Variants in RSBN1L observed in about 807,000 individuals in gnomAD.
The protein encoded by RSBN1L is round spermatid basic protein 1 like, also known as lysine-specific demethylase RSBN1L.
RSBN1L carries 30 observed loss-of-function variants against 67.7 expected under a neutral mutation model. The ratio of observed to expected loss-of-function variants is 0.44; its 90% CI spans 0.33 to 0.60. The LOEUF (loss-of-function observed/expected upper bound fraction) is 0.60, where lower values mean the gene tolerates loss of function less well. Among genes scored for constraint, RSBN1L ranks in the 20% least tolerant of loss-of-function variants. RSBN1L has a pLI of 0.02. For synonymous variants in RSBN1L, 433 were observed against 387.0 expected, an observed-to-expected ratio of 1.12 and a Z score of -1.39; for missense variants, 992 against 1,031.7, an observed-to-expected ratio of 0.96 and a Z score of 0.53.
At position 77,757,704 on chromosome 7, in the gene RSBN1L, A is replaced by G. The variant is rs188838606; in HGVS notation, c.1344+7640A>G. 4.6e-5 allele frequency among the ~76,000 whole-genome samples: 7 copies of G among 152,294 alleles called. No homozygotes were observed. The East Asian group carries it at 1.3e-3, about 29-fold the overall frequency. ...TGGCAGACCAGTTGGGTCTTGGGAC[A>G]CCTCACTTATATGGTTGGTGGTTGA... is the stretch of plus-strand genomic sequence containing the variant. On this transcript the variant is annotated intron_variant, in intron 3 of 7. Coordinates refer to ENST00000334955, the MANE Select transcript of RSBN1L (RefSeq NM_198467.3).
chr7:77,727,388 C>G (rs1331293860), intron 1 of RSBN1L, among the ~76,000 whole-genome samples: 1 of 152,172 alleles, frequency 6.6e-6, no homozygotes, highest in Non-Finnish European at 1.5e-5. Flanking sequence ...CGCCCAGCCC[C>G]CCATCTGCTT....
At chr7:77,705,142 A>T (rs749409921) in intron 1 of RSBN1L, among the ~76,000 whole-genome samples, 1 of 152,276 alleles carries the variant, frequency 6.6e-6, no homozygotes, top group East Asian at 1.9e-4. Flanking sequence ...TATTTTCCAG[A>T]TTAGCTCTTG....
At chr7:77,722,927 T>C (rs1169549226) in intron 1 of RSBN1L, among the ~76,000 whole-genome samples, 1 of 151,832 alleles carries the variant, frequency 6.6e-6, no homozygotes, top group Non-Finnish European at 1.5e-5. Flanking sequence ...ATATTGTGAC[T>C]GAAAGCTGTA....
At chr7:77,697,755 C>T (rs1790759686) in intron 1 of RSBN1L, among the ~76,000 whole-genome samples, 1 of 152,098 alleles carries the variant, frequency 6.6e-6, no homozygotes, top group Non-Finnish European at 1.5e-5. Flanking sequence ...GGAGCTTTGA[C>T]GATTTTTCGC....
chr7:77,723,543 A>G lies in RSBN1L; in HGVS notation c.587-12867A>G, dbSNP rs1402629018. 2.0e-5 allele frequency among the ~76,000 whole-genome samples: 3 copies of G among 152,198 alleles called. No individual in the cohort carries two copies. The East Asian group carries it at 5.8e-4, about 30-fold the overall frequency. ...GAGTGCAGTGGCATGATCACAGCTC[A>G]CTGCAGCCGTGACCTGCTGGGTTTA... On this transcript the variant is annotated intron_variant, in intron 1 of 7. Transcript: ENST00000334955.
At chr7:77,738,699 G>C (rs953526581) in intron 2 of RSBN1L, among the ~76,000 whole-genome samples, 3 of 152,162 alleles carry the variant, frequency 2.0e-5, no homozygotes, top group Non-Finnish European at 4.4e-5. Context: ...TGTAATCCCA[G>C]CATTTTGGGA....
At chr7:77,699,406 A>G (rs1044410553) in intron 1 of RSBN1L, among the ~76,000 whole-genome samples, 1 of 152,242 alleles carries the variant, frequency 6.6e-6, no homozygotes. Context: ...AAAAAGTCCT[A>G]AGTCAGAACT....
intron 1 of RSBN1L, among the ~76,000 whole-genome samples, chr7:77,707,857 A>G (rs577502969): frequency 7.9e-4 from 120 of 152,286 alleles, no homozygotes; most frequent in African/African-American, 2.9e-3. Context: ...CAATAATAAT[A>G]ATAGCTAAAA....
At chr7:77,746,605 GT>G (rs1356481980) in intron 2 of RSBN1L, among the ~76,000 whole-genome samples, 6 of 152,084 alleles carry the variant, frequency 3.9e-5, no homozygotes, top group African/African-American at 1.4e-4. Context: ...CTTGCCAACA[GT>G]CCCCCCAAAT....
rs541678160 is a variant in RSBN1L at position 77,709,565 on chromosome 7, C to T, written c.586+12510C>T. ...TTGGCCTCCCAAAGTGCTGGGATTA[C>T]AAGCGTGAGCCACCGTTCCCCACCA... On this transcript the variant is annotated intron_variant, in intron 1 of 7. Transcript: ENST00000334955. Among the ~76,000 whole-genome samples, 166 of 152,308 alleles carry T rather than the reference C, an allele frequency of 1.1e-3. 1 individual carries two copies. Among genetic ancestry groups the T allele is most frequent in the African/African-American group, 3.9e-3 (164 of 41,564 alleles).
At chr7:77,730,074 T>C (rs940734406) in intron 1 of RSBN1L, among the ~76,000 whole-genome samples, 2 of 152,238 alleles carry the variant, frequency 1.3e-5, no homozygotes, top group Admixed American at 1.3e-4. Context: ...TTTCCACATA[T>C]ATGATTTCTT....
intron 3 of RSBN1L, among the ~76,000 whole-genome samples, chr7:77,758,327 C>CCA (rs1400885423): frequency 1.9e-4 from 29 of 152,048 alleles, no homozygotes; most frequent in African/African-American, 6.8e-4. Flanking sequence ...AAGTGCTCGG[C>CCA]CTATTTAAAA....
intron 1 of RSBN1L, among the ~76,000 whole-genome samples, chr7:77,702,992 G>A (rs959003756): frequency 6.6e-6 from 1 of 152,168 alleles, no homozygotes; most frequent in African/African-American, 2.4e-5. Context: ...TTCAACATAT[G>A]GATTTTGGGG....
chr7:77,763,490 T>C (rs1201581649), intron 3 of RSBN1L, among the ~76,000 whole-genome samples: 1 of 152,234 alleles, frequency 6.6e-6, no homozygotes, highest in African/African-American at 2.4e-5. Context: ...TACCCTTAGC[T>C]TCTTTGATAG....
In RSBN1L at chr7:77,768,800, A is replaced by C; in HGVS notation, c.1622A>C (p.Lys541Thr). 6.2e-7 allele frequency: 1 copy of C among 1,614,024 alleles called. No individual in the cohort carries two copies. Among genetic ancestry groups the C allele is most frequent in the Non-Finnish European group, 8.5e-7 (1 of 1,179,904 alleles). The change falls in exon 5 of 8, where the codon AAA becomes ACA. Residue 541 changes from lysine to threonine, a missense_variant. Around this residue, in one of 7 missense-constraint regions of RSBN1L, gnomAD observed 67 missense variants for 130.5 expected, o/e 0.51. Transcript: ENST00000334955. ...ADMPKSPFKR[K>T]RTTNEIKNLQ... ...ATGCCAAAGTCACCTTTCAAAAGGA[A>C]AAGGTATGTTGTATACACATTTTTA...
chr7:77,706,356 C>G (rs11760252), intron 1 of RSBN1L, among the ~76,000 whole-genome samples: 87,323 of 151,810 alleles, frequency 0.58, 26,957 homozygotes, highest in African/African-American at 0.81. Flanking sequence ...GATTACAGGC[C>G]TGAGCCACCG....
chr7:77,745,667 C>G (rs1011273291), intron 2 of RSBN1L, among the ~76,000 whole-genome samples: 2 of 152,164 alleles, frequency 1.3e-5, no homozygotes, highest in African/African-American at 4.8e-5. Flanking sequence ...TCACGGAAGA[C>G]AGTGATTCCA....
At chr7:77,705,253 A>G (rs1260694064) in intron 1 of RSBN1L, among the ~76,000 whole-genome samples, 3 of 152,182 alleles carry the variant, frequency 2.0e-5, no homozygotes, top group Admixed American at 6.5e-5. Context: ...ACCTGTTATC[A>G]TGCAGATTTT....
chr7:77,703,403 A>C lies in RSBN1L; in HGVS notation c.586+6348A>C, dbSNP rs932472382. Among the ~76,000 whole-genome samples the C allele has an allele frequency of 4.7e-5, 7 of 148,222 alleles. 1 individual carries two copies. The highest frequency in any genetic ancestry group is 4.7e-4 in the Admixed American group (7 of 14,878). On this transcript the variant is annotated intron_variant, in intron 1 of 7. Transcript: ENST00000334955. ...TTTTTGTCTTTATACATTGTATTTC[A>C]GGTAATAGTTACAGTATCTCCTAGT...
Sources: gnomAD v4.1 joint callset for allele counts (sites outside exome capture counted in the v4.1 genomes callset) on GRCh38, gnomAD v4.1.1 for gene constraint, gnomAD v4.1.1 regional missense constraint, MANE v1.5 for transcripts, NCBI Gene and HGNC (gene_info 2026-07-23, HGNC 2026-07-21) for gene names.